The following GRK5 variants were observed in gnomAD, a reference collection of about 807,000 sequenced individuals.
GRK5 encodes G protein-coupled receptor kinase 5, also known as g protein-coupled receptor kinase GRK5.
In GRK5, 40 loss-of-function variants were observed where a neutral mutation model predicts 78.4. The ratio of observed to expected loss-of-function variants is 0.51; its 90% confidence interval spans 0.40 to 0.66. The LOEUF is 0.66. Among genes scored for constraint, GRK5 ranks in the 30% least tolerant of loss-of-function variants. The pLI is 0.00. For synonymous variants in GRK5, 289 were observed against 296.8 expected, an observed-to-expected ratio of 0.97 and a Z score of 0.27; for missense variants, 598 against 759.9, an observed-to-expected ratio of 0.79 and a Z score of 2.50.
At chr10:119,423,481 C>T (rs1490278683) in intron 5 of GRK5, among the ~76,000 whole-genome samples, 1 of 152,202 alleles carries the variant, frequency 6.6e-6, no homozygotes, top group Non-Finnish European at 1.5e-5. Context: ...GTATTGAAAG[C>T]AAGTGGCTCT....
chr10:119,440,453 C>T (rs1278092321), intron 10 of GRK5, among the ~76,000 whole-genome samples: 2 of 151,966 alleles, frequency 1.3e-5, no homozygotes, highest in Non-Finnish European at 2.9e-5. Context: ...TCTCGGCCTA[C>T]TGCAACCTCT....
At chr10:119,366,914 C>A (rs756012514) in intron 2 of GRK5, among the ~76,000 whole-genome samples, 4 of 152,200 alleles carry the variant, frequency 2.6e-5, no homozygotes, top group Non-Finnish European at 4.4e-5. Context: ...CTGCCTCTTG[C>A]TAGCCTGTGA....
Position 119,342,129 on chromosome 10 carries a change from G to A in GRK5, c.148+15518G>A, listed in dbSNP as rs376637495. Among the ~76,000 whole-genome samples, 12 of 152,334 alleles carry A rather than the reference G, an allele frequency of 7.9e-5. No individual in the cohort carries two copies. In the East Asian group the frequency reaches 1.2e-3, roughly 15 times the overall value. ...CAGGCACGGCTCTGCTAAAGGCCTTGGCTGAGCCCAGCTTGGGGCAGAGCA... is the reference window on the plus strand; with the variant it reads ...CAGGCACGGCTCTGCTAAAGGCCTTAGCTGAGCCCAGCTTGGGGCAGAGCA... On this transcript the variant is annotated intron_variant, in intron 2 of 15. Coordinates refer to ENST00000392870, the MANE Select transcript of GRK5 (RefSeq NM_005308.3).
At chr10:119,333,607 G>C (rs145013105) in intron 2 of GRK5, 1 of 372,098 alleles carries the variant, frequency 2.7e-6, no homozygotes, top group Non-Finnish European at 5.3e-6. Context: ...CTGCATAAAC[G>C]TGTGGGCAGG....
At chr10:119,239,834 C>A (rs974669446) in intron 1 of GRK5, among the ~76,000 whole-genome samples, 15 of 152,180 alleles carry the variant, frequency 9.9e-5, no homozygotes, top group African/African-American at 3.6e-4. Context: ...CATGTCCCTG[C>A]AAAGGATGTG....
chr10:119,396,986 G>A (rs1852065936), intron 4 of GRK5, among the ~76,000 whole-genome samples: 1 of 152,278 alleles, frequency 6.6e-6, no homozygotes, highest in Non-Finnish European at 1.5e-5. Context: ...GACTGGAGTA[G>A]GGGCGGGATG....
chr10:119,386,216 T>C (rs1851791483), intron 3 of GRK5, among the ~76,000 whole-genome samples: 1 of 152,144 alleles, frequency 6.6e-6, no homozygotes, highest in Non-Finnish European at 1.5e-5. Context: ...TAGCTGGTGT[T>C]TAGAGAGCCC....
chr10:119,278,697 G>T (rs923713125), intron 1 of GRK5, among the ~76,000 whole-genome samples: 1 of 151,994 alleles, frequency 6.6e-6, no homozygotes, highest in Non-Finnish European at 1.5e-5. Flanking sequence ...TTTGCTGGGG[G>T]CTTTAACAAT....
At chr10:119,394,169 AGTGT>A (rs1171204213) in intron 3 of GRK5, among the ~76,000 whole-genome samples, 1 of 18,442 alleles carries the variant, frequency 5.4e-5, no homozygotes, top group Non-Finnish European at 1.1e-4. Flanking sequence ...TGTGGGTTTG[AGTGT>A]GTGTGTGGGT....
chr10:119,281,465 G>T (rs1217158538), intron 1 of GRK5, among the ~76,000 whole-genome samples: 1 of 152,184 alleles, frequency 6.6e-6, no homozygotes, highest in Non-Finnish European at 1.5e-5. Context: ...AAGTGGTGAT[G>T]GCTCGTTCAT....
Position 119,453,216 on chromosome 10 carries a change from C to T in GRK5, c.1614C>T (p.Asn538=), listed in dbSNP as rs753440842. Residue 538 remains asparagine (N), a synonymous_variant, in exon 15 of 16, where the codon AAC becomes AAT. Coordinates refer to ENST00000392870, the MANE Select transcript of GRK5 (RefSeq NM_005308.3). ...GPNGTLPPDL[N]RNHPPEPPKK... is the part of the protein sequence containing the mutation. ...ATGGTACCCTCCCGCCAGATCTGAA[C>T]AGAAACCACCCTCCGGAACCGCCCA... 3 of 1,613,524 alleles carry T rather than the reference C, an allele frequency of 1.9e-6. No individual in the cohort carries two copies. Among genetic ancestry groups the T allele is most frequent in the African/African-American group, 2.7e-5 (2 of 75,010 alleles).
At position 119,232,555 on chromosome 10, in the gene GRK5, C is replaced by T. The variant is rs61876603; in HGVS notation, c.52+24586C>T. Among the ~76,000 whole-genome samples the T allele has an allele frequency of 6.8e-4, 103 of 152,224 alleles. 3 individuals are homozygous for T. The highest frequency in any genetic ancestry group is 4.2e-4 in the South Asian group (2 of 4,816). Reference sequence around the variant, plus strand: ...ATTCCCACGTGTTGTGGGAGGGGCCCGTGGGAGGTAATTGAATCATGGGGG... The same window carrying T: ...ATTCCCACGTGTTGTGGGAGGGGCCTGTGGGAGGTAATTGAATCATGGGGG... On this transcript the variant is annotated intron_variant, in intron 1 of 15. Coordinates refer to ENST00000392870, the MANE Select transcript of GRK5 (RefSeq NM_005308.3).
rs1373882734 is a variant in GRK5, at chr10:119,453,261, A to G, written c.1659A>G (p.Arg553=). Residue 553 remains arginine, a synonymous_variant, in exon 15 of 16, where the codon AGA becomes AGG. Transcript: ENST00000392870. Reference sequence around the variant, plus strand: ...CGCCCAAGAAAGGGCTGCTCCAGAGACTCTTCAAGCGGCAGGTGAGACACC... The same window carrying G: ...CGCCCAAGAAAGGGCTGCTCCAGAGGCTCTTCAAGCGGCAGGTGAGACACC... ...PEPPKKGLLQ[R]LFKRQHQNNS... 1 of 1,613,820 alleles carries G rather than the reference A, an allele frequency of 6.2e-7. No homozygotes were observed. The highest frequency in any genetic ancestry group is 8.5e-7 in the Non-Finnish European group (1 of 1,179,960).
At chr10:119,362,313 G>A (rs1184840697) in intron 2 of GRK5, among the ~76,000 whole-genome samples, 2 of 152,226 alleles carry the variant, frequency 1.3e-5, no homozygotes, top group Non-Finnish European at 2.9e-5. Context: ...ATCACCCTTT[G>A]CCTGTGCCTT....
At chr10:119,258,733 G>A (rs921732729) in intron 1 of GRK5, among the ~76,000 whole-genome samples, 1 of 152,164 alleles carries the variant, frequency 6.6e-6, no homozygotes, top group Non-Finnish European at 1.5e-5. Context: ...GGGGGTCAAT[G>A]CCAGGAAACT....
intron 1 of GRK5, among the ~76,000 whole-genome samples, chr10:119,278,968 C>G (rs1849712084): frequency 6.6e-6 from 1 of 152,204 alleles, no homozygotes; most frequent in Admixed American, 6.5e-5. Context: ...ACCTCTCACT[C>G]CTGGGTTCAA....
At chr10:119,261,387 C>G (rs950781959) in intron 1 of GRK5, among the ~76,000 whole-genome samples, 2 of 148,072 alleles carry the variant, frequency 1.4e-5, no homozygotes, top group African/African-American at 5.0e-5. Context: ...GGATGGCGGC[C>G]GGGCAGAGAC....
chr10:119,216,194 T>C (rs4752264), intron 1 of GRK5, among the ~76,000 whole-genome samples: 152,256 of 152,362 alleles, frequency 1, 76,075 homozygotes, highest in Middle Eastern at 1. Flanking sequence ...ACTGGTGACA[T>C]CCTCCTAAAC....
chr10:119,275,636 C>T (rs1849659472), intron 1 of GRK5, among the ~76,000 whole-genome samples: 1 of 152,012 alleles, frequency 6.6e-6, no homozygotes, highest in Admixed American at 6.6e-5. Flanking sequence ...CACACACACA[C>T]ACACACACAC....
Sources: allele counts gnomAD v4.1 joint callset (sites outside exome capture counted in the v4.1 genomes callset), GRCh38; gene constraint gnomAD v4.1.1; transcripts MANE v1.5; gene names NCBI Gene and HGNC (gene_info 2026-07-23, HGNC 2026-07-21).